TACR3: variants seen among roughly 807,000 people sequenced by gnomAD.
TACR3 encodes tachykinin receptor 3, also known as neuromedin-K receptor.
TACR3 carries 34 observed loss-of-function variants against 35.0 expected under a neutral mutation model. The ratio of observed to expected loss-of-function variants is 0.97; its 90% CI spans 0.74 to 1.30. TACR3 has a LOEUF of 1.30. Among genes scored for constraint, TACR3 ranks in the 50% most tolerant of loss-of-function variants. TACR3 has a pLI of 0.00. For missense variants in TACR3, 558 were observed against 591.7 expected, an observed-to-expected ratio of 0.94 and a Z score of 0.59; for synonymous variants, 233 against 221.1, an observed-to-expected ratio of 1.05 and a Z score of -0.48.
At chr4:103,650,265 C>A (rs1014150027) in intron 3 of TACR3, among the ~76,000 whole-genome samples, 2 of 151,620 alleles carry the variant, frequency 1.3e-5, no homozygotes, top group Admixed American at 6.6e-5. Context: ...TGGCCACCAC[C>A]ACTGGAACTG....
intron 3 of TACR3, among the ~76,000 whole-genome samples, chr4:103,593,740 A>AT (rs748217984): frequency 8.6e-4 from 131 of 152,076 alleles, no homozygotes; most frequent in Non-Finnish European, 1.3e-3. Context: ...CACAATTGTC[A>AT]TTTTTTCTTT....
intron 1 of TACR3, among the ~76,000 whole-genome samples, chr4:103,688,889 C>T (rs1722323325): frequency 6.6e-6 from 1 of 152,052 alleles, no homozygotes; most frequent in East Asian, 1.9e-4. Flanking sequence ...CCCAGCCATC[C>T]CATTACTGGG....
At chr4:103,635,883 A>G (rs1423173467) in intron 3 of TACR3, among the ~76,000 whole-genome samples, 3 of 151,898 alleles carry the variant, frequency 2.0e-5, no homozygotes, top group African/African-American at 7.2e-5. Context: ...CTGAATTTCA[A>G]TTCTCTTTCC....
intron 3 of TACR3, among the ~76,000 whole-genome samples, chr4:103,602,491 CT>C (rs199678167): frequency 0.13 from 19,164 of 150,194 alleles, 1,950 homozygotes; most frequent in East Asian, 0.5. Context: ...TTTTTCTGCT[CT>C]TTTTTTTTTT....
intron 3 of TACR3, among the ~76,000 whole-genome samples, chr4:103,600,318 T>A (rs1724164150): frequency 6.6e-6 from 1 of 152,196 alleles, no homozygotes. Context: ...TTATCATTTT[T>A]TATTGGGTCT....
intron 3 of TACR3, among the ~76,000 whole-genome samples, chr4:103,598,867 T>G (rs1302836995): frequency 1.3e-5 from 2 of 152,204 alleles, no homozygotes; most frequent in African/African-American, 4.8e-5. Context: ...CCTTGTAGTA[T>G]AGTTTGAAGT....
intron 3 of TACR3, among the ~76,000 whole-genome samples, chr4:103,650,627 AATAT>A (rs1254902729): frequency 4.4e-5 from 4 of 90,030 alleles, no homozygotes; most frequent in African/African-American, 1.9e-4. Context: ...ATTATATATA[AATAT>A]ATAATATATA....
rs569194002 is a variant in TACR3 at position 103,622,181 on chromosome 4, G to A, written c.889-30498C>T. ...GAATTTAGGAACAAAGAAGTCAAAGGTAACTTTGGCAAGGGTGGTTTCAGT... is the reference window on the plus strand; with the variant it reads ...GAATTTAGGAACAAAGAAGTCAAAGATAACTTTGGCAAGGGTGGTTTCAGT... On this transcript the variant is annotated intron_variant, in intron 3 of 4. Coordinates refer to ENST00000304883, the MANE Select transcript of TACR3 (RefSeq NM_001059.3). Among the ~76,000 whole-genome samples, 205 of 152,292 alleles carry A rather than the reference G, an allele frequency of 1.3e-3. 2 individuals carry two copies. The highest frequency in any genetic ancestry group is 4.7e-3 in the African/African-American group (197 of 41,558).
intron 3 of TACR3, among the ~76,000 whole-genome samples, chr4:103,596,718 A>G (rs2110286609): frequency 6.6e-6 from 1 of 152,080 alleles, no homozygotes; most frequent in Admixed American, 6.6e-5. Flanking sequence ...CTCGTCATTT[A>G]CATTAGGTAT....
rs1447990156 is a variant in TACR3 at position 103,719,647 on chromosome 4, C to T, written c.29G>A (p.Trp10Ter). 3.7e-6 allele frequency: 6 copies of T among 1,612,884 alleles called. No individual in the cohort carries two copies. Among genetic ancestry groups the T allele is most frequent in the Non-Finnish European group, 5.1e-6 (6 of 1,180,018 alleles). ...ACCCACGCCTCCACCCCCGTCTATC[C>T]AGGTTTCTGCTGCTGGGAGAGTGGC... MATLPAAET[W>*]IDGGGGVGAD... Residue 10 changes from tryptophan to a stop codon, truncating the protein, a stop_gained, in exon 1 of 5, where the codon TGG becomes TAG. Transcript: ENST00000304883. LOFTEE classifies it high-confidence loss of function.
rs548942363 is a variant in TACR3 at position 103,695,860 on chromosome 4, GTT to G, written c.548+23266_548+23267del. On this transcript the variant is annotated intron_variant, in intron 1 of 4. Coordinates refer to ENST00000304883, the MANE Select transcript of TACR3 (RefSeq NM_001059.3). ...GAATTCTATCAGGAATGGGAATTGA[GTT>G]ATCACAAATTATTTCAGAATCCACT... is the stretch of plus-strand genomic sequence containing the variant. Among the ~76,000 whole-genome samples, 627 of 152,126 alleles carry G rather than the reference GTT, an allele frequency of 4.1e-3. 6 individuals are homozygous for G. The highest frequency in any genetic ancestry group is 0.014 in the African/African-American group (601 of 41,498).
At chr4:103,606,640 A>C (rs1724373968) in intron 3 of TACR3, among the ~76,000 whole-genome samples, 1 of 152,122 alleles carries the variant, frequency 6.6e-6, no homozygotes, top group Non-Finnish European at 1.5e-5. Flanking sequence ...GTTGGTGTAT[A>C]AGAATGCTTG....
At chr4:103,690,867 C>T (rs1015577074) in intron 1 of TACR3, among the ~76,000 whole-genome samples, 40 of 152,028 alleles carry the variant, frequency 2.6e-4, no homozygotes, top group African/African-American at 9.7e-4. Context: ...AATTATGTTG[C>T]ACATGATAGG....
At chr4:103,658,496 T>C in intron 1 of TACR3, 93 bp from the exon 2 acceptor site, 1 of 1,197,656 alleles carries the variant, frequency 8.3e-7, no homozygotes. Context: ...GTTTCAATAG[T>C]TACAGTCATT....
intron 1 of TACR3, among the ~76,000 whole-genome samples, chr4:103,674,846 G>A (rs541544488): frequency 1.3e-5 from 2 of 152,112 alleles, no homozygotes; most frequent in Non-Finnish European, 2.9e-5. Context: ...CACCGCGCCC[G>A]GCCTACATGT....
intron 3 of TACR3, among the ~76,000 whole-genome samples, chr4:103,595,418 T>C (rs765547859): frequency 5.3e-5 from 8 of 152,142 alleles, no homozygotes; most frequent in African/African-American, 7.2e-5. Context: ...CAAAGTTACA[T>C]TGCCTATTTT....
intron 3 of TACR3, among the ~76,000 whole-genome samples, chr4:103,614,915 G>A (rs1197650084): frequency 2.2e-5 from 1 of 44,960 alleles, no homozygotes; most frequent in African/African-American, 9.2e-5. Flanking sequence ...TTTTTTTTGA[G>A]ACAGAGTCTT....
intron 3 of TACR3, among the ~76,000 whole-genome samples, chr4:103,628,430 G>A (rs531224308): frequency 6.6e-6 from 1 of 151,784 alleles, no homozygotes; most frequent in East Asian, 1.9e-4. Flanking sequence ...AAAGGGAGAG[G>A]AATCAAATAT....
intron 3 of TACR3, among the ~76,000 whole-genome samples, chr4:103,598,149 C>G (rs1178927071): frequency 6.6e-6 from 1 of 152,174 alleles, no homozygotes; most frequent in Non-Finnish European, 1.5e-5. Context: ...ACCATTCTAA[C>G]TGGTGTGAGA....
Sources: allele counts gnomAD v4.1 joint callset (sites outside exome capture counted in the v4.1 genomes callset), GRCh38; gene constraint gnomAD v4.1.1; transcripts MANE v1.5; gene names NCBI Gene and HGNC (gene_info 2026-07-23, HGNC 2026-07-21).